LRP1B: variants seen among roughly 807,000 people sequenced by gnomAD.
LRP1B encodes low-density lipoprotein receptor-related protein 1B.
Under a neutral mutation model 556.6 loss-of-function variants are expected in LRP1B, and 217 were observed. The ratio of observed to expected loss-of-function variants is 0.39; its 90% CI spans 0.35 to 0.44. The LOEUF (loss-of-function observed/expected upper bound fraction) is 0.44. Ranked by LOEUF, LRP1B falls within the 20% of genes least tolerant of loss-of-function variation. The pLI, the probability that LRP1B is intolerant of heterozygous loss-of-function variation, is 1.00. For missense variants in LRP1B, 5,053 were observed against 5,620.8 expected (o/e 0.90, Z 3.23); for synonymous variants, 2,047 against 1,865.8 (o/e 1.10, Z -2.50).
At chr2:141,373,032 T>C (rs1255650132) in intron 3 of LRP1B, among the ~76,000 whole-genome samples, 1 of 152,116 alleles carries the variant, frequency 6.6e-6, no homozygotes. Flanking sequence ...GGTTTTAGTA[T>C]GTTGTGTTTT....
At chr2:141,664,469 A>G (rs1243690120) in intron 2 of LRP1B, among the ~76,000 whole-genome samples, 2 of 152,178 alleles carry the variant, frequency 1.3e-5, no homozygotes, top group African/African-American at 4.8e-5. Flanking sequence ...CCATCATCTC[A>G]GTCCAAGAGC....
chr2:141,923,403 C>A (rs1320291871), intron 1 of LRP1B, among the ~76,000 whole-genome samples: 1 of 102,108 alleles, frequency 9.8e-6, no homozygotes, highest in Non-Finnish European at 1.9e-5. Context: ...ATCTCTGTCA[C>A]TATATATATA....
rs1388084957 is a variant in LRP1B at position 142,115,554 on chromosome 2, TTATATATGTAA to T, written c.82+15083_82+15093del. On this transcript the variant is annotated intron_variant, in intron 1 of 90. Coordinates refer to ENST00000389484, the MANE Select transcript of LRP1B (RefSeq NM_018557.3). ...ATATATTACATATGTAATATATATA[TTATATATGTAA>T]TATATATTATATATGTAATATATAT... Among the ~76,000 whole-genome samples, 10 of 20,170 alleles carry T rather than the reference TTATATATGTAA, an allele frequency of 5.0e-4. 1 individual carries two copies. The highest frequency in any genetic ancestry group is 1.2e-3 in the Non-Finnish European group (10 of 8,194). 13.2% of individuals were successfully genotyped at this position (20,170 alleles called of 152,430 possible). A position where few individuals can be genotyped will look rare whatever the true frequency, so the allele number is the denominator to read the frequency against.
At chr2:141,170,739 A>C (rs1000159025) in intron 7 of LRP1B, among the ~76,000 whole-genome samples, 2 of 152,078 alleles carry the variant, frequency 1.3e-5, no homozygotes, top group African/African-American at 4.8e-5. Context: ...TACTTTCTAA[A>C]GGTGTTGCAT....
At chr2:141,772,640 T>C (rs1470355476) in intron 2 of LRP1B, among the ~76,000 whole-genome samples, 2 of 152,200 alleles carry the variant, frequency 1.3e-5, no homozygotes, top group Admixed American at 1.3e-4. Flanking sequence ...CTTTTAAATT[T>C]GCAGAGCACG....
intron 2 of LRP1B, among the ~76,000 whole-genome samples, chr2:141,497,616 T>C (rs867603441): frequency 1.3e-5 from 2 of 152,134 alleles, no homozygotes; most frequent in African/African-American, 2.4e-5. Flanking sequence ...CACTGCAGGA[T>C]GTTTGCTGTT....
At chr2:141,873,792 G>A (rs1293082683) in intron 1 of LRP1B, among the ~76,000 whole-genome samples, 1 of 148,138 alleles carries the variant, frequency 6.8e-6, no homozygotes, top group African/African-American at 2.5e-5. Flanking sequence ...TAGGAACATG[G>A]GATGAGGTTA....
chr2:141,101,347 C>T (rs1574074152), intron 7 of LRP1B, among the ~76,000 whole-genome samples: 1 of 151,986 alleles, frequency 6.6e-6, no homozygotes, highest in East Asian at 1.9e-4. Flanking sequence ...TGGACTATGC[C>T]CATCTCTATC....
rs1682234425 is a variant in LRP1B, at chr2:140,591,718, C to T, written c.7194+6913G>A. Among the ~76,000 whole-genome samples, 3 of 152,142 alleles carry T rather than the reference C, an allele frequency of 2.0e-5. No homozygotes were observed. In the South Asian group the frequency reaches 6.2e-4, roughly 31 times the overall value. ...AGACTCTGCCCAGATTTCAAATGTCCTACAAGATATTCTCAAAGATGAAAA... is the reference window on the plus strand; with the variant it reads ...AGACTCTGCCCAGATTTCAAATGTCTTACAAGATATTCTCAAAGATGAAAA... On this transcript the variant is annotated intron_variant, in intron 43 of 90. Transcript: ENST00000389484.
rs769543100 is a variant in LRP1B at position 141,363,272 on chromosome 2, T to G, written c.344-108631A>C. On this transcript the variant is annotated intron_variant, in intron 3 of 90. Transcript: ENST00000389484. The stretch of plus-strand genomic sequence containing the variant: ...TGAATAGATCTTGATTATATTATCT[T>G]GAATGGAAGTGTTTGGCAAAGAAAC... Among the ~76,000 whole-genome samples the G allele has an allele frequency of 8.5e-5, 13 of 152,348 alleles. 1 individual carries two copies. Among genetic ancestry groups the G allele is most frequent in the Middle Eastern group, 3.4e-3 (1 of 294 alleles).
intron 3 of LRP1B, among the ~76,000 whole-genome samples, chr2:141,397,872 C>T (rs957566744): frequency 2.0e-5 from 3 of 150,948 alleles, no homozygotes; most frequent in South Asian, 2.1e-4. Flanking sequence ...TTTATATATG[C>T]ACATTTTTAC....
At chr2:141,590,360 C>T (rs561282058) in intron 2 of LRP1B, among the ~76,000 whole-genome samples, 1 of 152,202 alleles carries the variant, frequency 6.6e-6, no homozygotes, top group Non-Finnish European at 1.5e-5. Context: ...CTTTGTGAGA[C>T]AAAGGCTGAA....
At chr2:140,815,768 T>C (rs766471362) in intron 31 of LRP1B, among the ~76,000 whole-genome samples, 2 of 152,088 alleles carry the variant, frequency 1.3e-5, no homozygotes, top group Non-Finnish European at 2.9e-5. Flanking sequence ...ATATGGGAAG[T>C]TTAAGCAAAA....
Position 140,639,428 on chromosome 2 carries a change from T to G in LRP1B, c.6800-37789A>C, listed in dbSNP as rs529271058. On this transcript the variant is annotated intron_variant, in intron 41 of 90. Transcript: ENST00000389484. The stretch of plus-strand genomic sequence containing the variant: ...ATTCTAAGGCATCTTGCTCCAGACC[T>G]TCAGCTATAATACAAATCTTAGGCT... Among the ~76,000 whole-genome samples the G allele has an allele frequency of 3.9e-5, 6 of 152,354 alleles. No homozygotes were observed. The East Asian group carries it at 1.2e-3, about 29-fold the overall frequency.
chr2:140,331,428 T>C (rs1198198176), intron 79 of LRP1B, among the ~76,000 whole-genome samples: 1 of 152,006 alleles, frequency 6.6e-6, no homozygotes, highest in Non-Finnish European at 1.5e-5. Flanking sequence ...CAGTGTGTCA[T>C]TTGAAGGCAC....
At chr2:140,432,858 T>C (rs1686012160) in intron 66 of LRP1B, among the ~76,000 whole-genome samples, 1 of 152,184 alleles carries the variant, frequency 6.6e-6, no homozygotes, top group Non-Finnish European at 1.5e-5. Context: ...AGGTAATATA[T>C]TGGATTTCCT....
At chr2:140,631,285 CAAAG>C (rs1298533197) in intron 41 of LRP1B, among the ~76,000 whole-genome samples, 1 of 151,886 alleles carries the variant, frequency 6.6e-6, no homozygotes, top group Non-Finnish European at 1.5e-5. Context: ...TGCTAAAAGG[CAAAG>C]AAAAAAACAG....
At chr2:140,713,907 T>C (rs774792035) in intron 37 of LRP1B, among the ~76,000 whole-genome samples, 8 of 152,144 alleles carry the variant, frequency 5.3e-5, no homozygotes, top group Non-Finnish European at 1.0e-4. Context: ...TTTTACTACC[T>C]GCTCTAATTA....
chr2:141,909,301 A>G (rs1699840514), intron 1 of LRP1B, among the ~76,000 whole-genome samples: 1 of 152,070 alleles, frequency 6.6e-6, no homozygotes, highest in African/African-American at 2.4e-5. Context: ...CTCTTATAAG[A>G]CAATCAATTA....
Sources: gnomAD v4.1 joint callset for allele counts (sites outside exome capture counted in the v4.1 genomes callset) on GRCh38, gnomAD v4.1.1 for gene constraint, MANE v1.5 for transcripts, NCBI Gene and HGNC (gene_info 2026-07-23, HGNC 2026-07-21) for gene names.